ARRDC5: variants seen among roughly 807,000 people sequenced by gnomAD.
The protein encoded by ARRDC5 is arrestin domain-containing protein 5.
A neutral mutation model predicts 13.3 loss-of-function variants in ARRDC5; 12 were observed. That is an observed-to-expected ratio of 0.90 (90% CI 0.58 to 1.46). The LOEUF is 1.46. ARRDC5 is among the 40% of genes most tolerant of loss of function. ARRDC5 has a pLI of 0.00. For missense variants in ARRDC5, 406 were observed against 418.7 expected (o/e 0.97, Z 0.26); for synonymous variants, 181 against 173.4 (o/e 1.04, Z -0.34).
chr19:4,915,984 C>G, the ARRDC5 span, among the ~76,000 whole-genome samples: 1 of 152,108 alleles, frequency 6.6e-6, no homozygotes, highest in Non-Finnish European at 1.5e-5. Flanking sequence ...GAGCCTGTGT[C>G]TGTGTGGATT....
At chr19:4,907,923 G>C in the ARRDC5 span, among the ~76,000 whole-genome samples, 2 of 150,496 alleles carry the variant, frequency 1.3e-5, no homozygotes, top group Non-Finnish European at 3.0e-5. Context: ...TGTTAGTCAG[G>C]CTGGTCTCGA....
chr19:4,907,704 C>CTT (rs59867968), upstream of ARRDC5, among the ~76,000 whole-genome samples: 76 of 47,688 alleles, frequency 1.6e-3, no homozygotes, highest in Non-Finnish European at 2.2e-3. Context: ...TTGGCCTGAT[C>CTT]TTTTTTTTTT....
the ARRDC5 span, among the ~76,000 whole-genome samples, chr19:4,912,271 T>TCCTC: frequency 3.9e-5 from 6 of 152,166 alleles, no homozygotes; most frequent in Admixed American, 2.0e-4. Context: ...GGCGCTCTCT[T>TCCTC]CCTCCCTCCT....
chr19:4,896,705 C>T lies in ARRDC5; in HGVS notation c.425G>A (p.Gly142Glu). The change falls in exon 2 of 3, where the codon GGA becomes GAA. Residue 142 changes from glycine to glutamate, a missense_variant. Transcript: ENST00000650722. ...AKKRMYLLVQ[G>E]TSTFHKETPF... Reference sequence around the variant, plus strand: ...GGTTTCTTTGTGGAAGGTGGAAGTTCCTTGAACCAATAAGTACATCCTCTT... The same window carrying T: ...GGTTTCTTTGTGGAAGGTGGAAGTTTCTTGAACCAATAAGTACATCCTCTT... 3 of 1,613,614 alleles carry T rather than the reference C, an allele frequency of 1.9e-6. No homozygotes were observed. The highest frequency in any genetic ancestry group is 1.3e-5 in the African/African-American group (1 of 74,996).
At chr19:4,899,205 G>T (rs554639799) in intron 1 of ARRDC5, among the ~76,000 whole-genome samples, 3 of 151,168 alleles carry the variant, frequency 2.0e-5, no homozygotes, top group African/African-American at 7.3e-5. Flanking sequence ...CCAGCTACTC[G>T]GGAGGCCAAG....
chr19:4,891,651 GA>G, intron 2 of ARRDC5, 78 bp from the exon 3 acceptor site: 1 of 1,357,128 alleles, frequency 7.4e-7, no homozygotes, highest in East Asian at 2.4e-5. Flanking sequence ...TCCACCCTGG[GA>G]ACTCCTCAAA....
chr19:4,906,949 C>T (rs374871829), upstream of ARRDC5, among the ~76,000 whole-genome samples: 28 of 152,270 alleles, frequency 1.8e-4, no homozygotes, highest in African/African-American at 6.7e-4. Context: ...GGTGTGGGTT[C>T]TACCTGGCTG....
rs1568400130 is a variant in ARRDC5, at chr19:4,902,812, T to C, written c.14A>G (p.Lys5Arg). The change falls in exon 1 of 3, where the codon AAG becomes AGG. Residue 5 changes from lysine to arginine, a missense_variant. Physicochemically the swap from Lys to Arg is conservative, Grantham distance 26. Coordinates refer to ENST00000650722, the MANE Select transcript of ARRDC5 (RefSeq NM_001080523.3). ...CTCGGGCAGCACTAATTCGATCGACTTCACCACAGACATGGGGGGTTGGGG... is the reference window on the plus strand; with the variant it reads ...CTCGGGCAGCACTAATTCGATCGACCTCACCACAGACATGGGGGGTTGGGG... MSVV[K>R]SIELVLPEDR... 2.5e-6 allele frequency: 4 copies of C among 1,613,898 alleles called. No homozygotes were observed. In the African/African-American group the frequency reaches 4.0e-5, roughly 16 times the overall value.
upstream of ARRDC5, among the ~76,000 whole-genome samples, chr19:4,907,704 C>CTTTTTTTTTTTTT (rs59867968): frequency 2.1e-5 from 1 of 47,670 alleles, no homozygotes; most frequent in Non-Finnish European, 3.6e-5. Context: ...TTGGCCTGAT[C>CTTTTTTTTTTTTT]TTTTTTTTTT....
At chr19:4,896,090 G>A (rs1412455384) in intron 2 of ARRDC5, among the ~76,000 whole-genome samples, 2 of 152,058 alleles carry the variant, frequency 1.3e-5, no homozygotes, top group African/African-American at 2.4e-5. Context: ...CAAGGCAGGC[G>A]GATCACCTGA....
chr19:4,906,807 TGA>T (rs1422434948), upstream of ARRDC5, among the ~76,000 whole-genome samples: 11 of 152,188 alleles, frequency 7.2e-5, no homozygotes, highest in Non-Finnish European at 1.3e-4. Flanking sequence ...TCAGCCACGT[TGA>T]GTTTTCGCAA....
chr19:4,908,571 C>T, the ARRDC5 span, among the ~76,000 whole-genome samples: 1 of 152,074 alleles, frequency 6.6e-6, no homozygotes, highest in African/African-American at 2.4e-5. Context: ...CTCCTAGACC[C>T]ATCTGTCCTT....
At chr19:4,909,879 G>T in the ARRDC5 span, 1 of 377,596 alleles carries the variant, frequency 2.6e-6, no homozygotes, top group East Asian at 3.9e-5. Context: ...GCGGGGGGTC[G>T]AGCGCGCCGG....
intron 1 of ARRDC5, among the ~76,000 whole-genome samples, chr19:4,900,139 C>T (rs1047668867): frequency 5.7e-5 from 6 of 105,318 alleles, no homozygotes; most frequent in Non-Finnish European, 1.2e-4. Flanking sequence ...TTTTCTGTTT[C>T]TTTCTTTTTT....
Position 4,891,378 on chromosome 19 carries a change from C to A in ARRDC5, c.655G>T (p.Glu219Ter), listed in dbSNP as rs372235175. 6.2e-7 allele frequency: 1 copy of A among 1,613,528 alleles called. No individual in the cohort carries two copies. Among genetic ancestry groups the A allele is most frequent in the Admixed American group, 1.7e-5 (1 of 59,976 alleles). ...CGCTCTGCACTGGGCGTGAAGCCCT[C>A]GTACTGTATGTGGGCATACAGGGCG... ...VFALYAHIQYEGFTPSAERRS... is the reference protein window; with the variant it reads ...VFALYAHIQY The change falls in exon 3 of 3, where the codon GAG (glutamate) becomes TAG (stop). Residue 219 changes from glutamate to a stop codon, truncating the protein, a stop_gained. Coordinates refer to ENST00000650722, the MANE Select transcript of ARRDC5 (RefSeq NM_001080523.3). LOFTEE classifies it low-confidence loss of function (END_TRUNC).
chr19:4,915,483 G>A, the ARRDC5 span, among the ~76,000 whole-genome samples: 1 of 152,228 alleles, frequency 6.6e-6, no homozygotes, highest in Non-Finnish European at 1.5e-5. Context: ...GGAGGCCAAG[G>A]CAGGCGGATC....
intron 1 of ARRDC5, among the ~76,000 whole-genome samples, chr19:4,897,698 G>C (rs565768837): frequency 5.3e-5 from 8 of 152,070 alleles, no homozygotes; most frequent in Admixed American, 1.3e-4. Flanking sequence ...TAAATTTCTG[G>C]TAGAGACAGG....
intron 2 of ARRDC5, among the ~76,000 whole-genome samples, chr19:4,894,237 C>A (rs1248090352): frequency 1.6e-5 from 2 of 128,668 alleles, no homozygotes; most frequent in Non-Finnish European, 3.3e-5. Flanking sequence ...ATTGGCCGGG[C>A]GCGGTGGCTC....
chr19:4,909,842 G>A, the ARRDC5 span: 3 of 397,320 alleles, frequency 7.6e-6, no homozygotes, highest in Non-Finnish European at 1.3e-5. Context: ...GCTGGAGCCG[G>A]GACCAGCGCT....
Sources: gnomAD v4.1 joint callset for allele counts (sites outside exome capture counted in the v4.1 genomes callset) on GRCh38, gnomAD v4.1.1 for gene constraint, MANE v1.5 for transcripts, NCBI Gene and HGNC (gene_info 2026-07-23, HGNC 2026-07-21) for gene names.